CWC27: variants seen among roughly 807,000 people sequenced by gnomAD.
CWC27 encodes the protein spliceosome-associated protein CWC27 homolog.
In CWC27, 47 loss-of-function variants were observed where a neutral mutation model predicts 63.6. The observed-to-expected ratio is 0.74, with a 90% CI of 0.58 to 0.94. The LOEUF (loss-of-function observed/expected upper bound fraction) is 0.94. Ranked by LOEUF, CWC27 falls within the 40% of genes least tolerant of loss-of-function variation. CWC27 has a pLI of 0.00. For synonymous variants in CWC27, 175 were observed against 179.8 expected, an observed-to-expected ratio of 0.97 and a Z score of 0.22; for missense variants, 495 against 554.3, an observed-to-expected ratio of 0.89 and a Z score of 1.07.
At chr5:64,914,825 T>A (rs1747859784) in intron 11 of CWC27, among the ~76,000 whole-genome samples, 1 of 152,042 alleles carries the variant, frequency 6.6e-6, no homozygotes, top group Admixed American at 6.6e-5. Flanking sequence ...TTTTTAATAG[T>A]GAGAAACAAG....
intron 11 of CWC27, among the ~76,000 whole-genome samples, chr5:64,942,606 G>A (rs192293815): frequency 1.1e-4 from 16 of 152,072 alleles, no homozygotes; most frequent in South Asian, 4.2e-4. Flanking sequence ...AGTTTTATAC[G>A]CACCAAAAGA....
At chr5:65,014,778 A>C (rs1489771528) in intron 13 of CWC27, among the ~76,000 whole-genome samples, 1 of 152,208 alleles carries the variant, frequency 6.6e-6, no homozygotes, top group African/African-American at 2.4e-5. Context: ...TATGCTGAAA[A>C]TCATAATAAC....
At chr5:64,808,055 T>C (rs1320221582) in intron 10 of CWC27, 1 of 1,307,502 alleles carries the variant, frequency 7.6e-7, no homozygotes, top group Non-Finnish European at 9.7e-7. Context: ...TCTTTTCTCT[T>C]GAGACTAATC....
chr5:64,848,687 A>G (rs1746051203), intron 10 of CWC27, among the ~76,000 whole-genome samples: 1 of 152,194 alleles, frequency 6.6e-6, no homozygotes, highest in South Asian at 2.1e-4. Flanking sequence ...CTCAACATAC[A>G]CAAATCAATA....
chr5:64,975,409 G>A (rs1432250400), intron 12 of CWC27, among the ~76,000 whole-genome samples: 2 of 152,100 alleles, frequency 1.3e-5, no homozygotes, highest in Non-Finnish European at 2.9e-5. Flanking sequence ...GAGGATTTCA[G>A]TATTGAATTC....
intron 1 of CWC27, among the ~76,000 whole-genome samples, chr5:64,770,082 C>T (rs140902005): frequency 1.3e-5 from 2 of 152,326 alleles, no homozygotes; most frequent in African/African-American, 2.4e-5. Context: ...ATTTACACAA[C>T]ATACCATCCT....
intron 10 of CWC27, chr5:64,844,845 G>A (rs893200925): frequency 6.6e-6 from 3 of 454,704 alleles, no homozygotes; most frequent in Non-Finnish European, 1.3e-5. Flanking sequence ...GCAATCCCAT[G>A]GCTCTACCCT....
intron 2 of CWC27, among the ~76,000 whole-genome samples, chr5:64,777,306 A>G (rs531078283): frequency 5.5e-4 from 83 of 152,220 alleles, no homozygotes; most frequent in African/African-American, 1.9e-3. Context: ...AAGCATAAAT[A>G]TGCTATAAGT....
intron 2 of CWC27, among the ~76,000 whole-genome samples, chr5:64,776,116 A>AGAGAGAGAGAGAGAGAGAGG (rs1743441952): frequency 3.0e-5 from 3 of 99,118 alleles, no homozygotes; most frequent in Admixed American, 2.1e-4. Flanking sequence ...AGAGAGAGAG[A>AGAGAGAGAGAGAGAGAGAGG]GAGAGAATGA....
At chr5:64,847,120 A>T (rs527309292) in intron 10 of CWC27, among the ~76,000 whole-genome samples, 18 of 152,282 alleles carry the variant, frequency 1.2e-4, no homozygotes, top group Non-Finnish European at 2.5e-4. Context: ...AAAAAACAAG[A>T]CTTAGCTATA....
chr5:64,960,158 C>T (rs1243220430), intron 11 of CWC27, among the ~76,000 whole-genome samples: 1 of 151,282 alleles, frequency 6.6e-6, no homozygotes, highest in East Asian at 1.9e-4. Flanking sequence ...CGGGATATAC[C>T]CAGTTGGTTA....
intron 12 of CWC27, among the ~76,000 whole-genome samples, chr5:64,975,506 T>G (rs1447744532): frequency 6.6e-6 from 1 of 152,188 alleles, no homozygotes; most frequent in Non-Finnish European, 1.5e-5. Flanking sequence ...TGTAAATATG[T>G]TGAATAGAAA....
chr5:64,789,588 A>G (rs1262241735), intron 7 of CWC27, among the ~76,000 whole-genome samples: 2 of 152,130 alleles, frequency 1.3e-5, no homozygotes, highest in Non-Finnish European at 2.9e-5. Flanking sequence ...TCCTTGAATT[A>G]TGCAGTGCCT....
At chr5:64,817,041 T>C (rs1315583608) in intron 10 of CWC27, among the ~76,000 whole-genome samples, 1 of 152,136 alleles carries the variant, frequency 6.6e-6, no homozygotes, top group Non-Finnish European at 1.5e-5. Flanking sequence ...GGGCAACCCC[T>C]TCACTCTGTG....
chr5:64,928,301 A>AT (rs1407912688), intron 11 of CWC27, among the ~76,000 whole-genome samples: 7 of 152,124 alleles, frequency 4.6e-5, no homozygotes, highest in African/African-American at 7.2e-5. Flanking sequence ...TCTGAAATAC[A>AT]TTTTTTTACT....
At chr5:64,923,442 A>C (rs1230043157) in intron 11 of CWC27, among the ~76,000 whole-genome samples, 1 of 140,834 alleles carries the variant, frequency 7.1e-6, no homozygotes, top group Non-Finnish European at 1.5e-5. Context: ...GATGCATCTC[A>C]GCACTCAGCA....
intron 11 of CWC27, among the ~76,000 whole-genome samples, chr5:64,963,304 A>G (rs1748954240): frequency 6.6e-6 from 1 of 152,188 alleles, no homozygotes; most frequent in African/African-American, 2.4e-5. Flanking sequence ...ATAATAAAAA[A>G]TTAAGGCAAT....
At chr5:64,916,885 TTAG>T (rs56214406) in intron 11 of CWC27, among the ~76,000 whole-genome samples, 31,631 of 143,828 alleles carry the variant, frequency 0.22, 3,668 homozygotes, top group South Asian at 0.32. Flanking sequence ...AGTAGTAGTA[TTAG>T]TAGTAGTAGT....
At chr5:64,995,090 G>A (rs2112461400) in intron 13 of CWC27, among the ~76,000 whole-genome samples, 1 of 148,782 alleles carries the variant, frequency 6.7e-6, no homozygotes, top group South Asian at 2.1e-4. Flanking sequence ...TCCTGCCTCA[G>A]CCTCCCGAGT....
Sources: allele counts gnomAD v4.1 joint callset (sites outside exome capture counted in the v4.1 genomes callset), GRCh38; gene constraint gnomAD v4.1.1; transcripts MANE v1.5; gene names NCBI Gene and HGNC (gene_info 2026-07-23, HGNC 2026-07-21).